The following SBSPON variants were observed in gnomAD, a reference collection of about 807,000 sequenced individuals.
SBSPON encodes somatomedin B and thrombospondin type 1 domain containing.
Under a neutral mutation model 35.8 loss-of-function variants are expected in SBSPON, and 30 were observed. That is an observed-to-expected ratio of 0.84 (90% confidence interval 0.63 to 1.14). The LOEUF (loss-of-function observed/expected upper bound fraction) is 1.14, where lower values mean the gene tolerates loss of function less well. Among genes scored for constraint, SBSPON ranks in the 50% most tolerant of loss-of-function variants. The pLI is 0.00. For missense variants in SBSPON, 364 were observed against 357.7 expected, an observed-to-expected ratio of 1.02 and a Z score of -0.14; for synonymous variants, 136 against 135.9, an observed-to-expected ratio of 1.00 and a Z score of 0.00.
In SBSPON at chr8:73,067,381, TG is replaced by T; in HGVS notation, c.754del (p.Gln252SerfsTer16). 2 of 1,610,008 alleles carry T rather than the reference TG, an allele frequency of 1.2e-6. No homozygotes were observed. Among genetic ancestry groups the T allele is most frequent in the Non-Finnish European group, 1.7e-6 (2 of 1,176,672 alleles). On this transcript the variant is annotated frameshift_variant, in exon 5 of 5. Coordinates refer to ENST00000297354, the MANE Select transcript of SBSPON (RefSeq NM_153225.4). LOFTEE classifies it high-confidence loss of function. Reference sequence around the variant, plus strand: ...ACTGTGAACAGCTGGACAAGAACACTGGTCTACTCGCCGAACTTTTTTCCAA... The same window carrying T: ...ACTGTGAACAGCTGGACAAGAACACTGTCTACTCGCCGAACTTTTTTCCAA... Reference protein sequence around the residue: ...GTWKKVRRVDQCSCPAVHSFI... With the variant: ...GTWKKVRRVDXCSCPAVHSFI...
At position 73,067,474 on chromosome 8, in the gene SBSPON, G is replaced by T. The variant is rs375157344; in HGVS notation, c.678-16C>A. ...AGTCTGATTTCTGAAACGATATTTCGAAAGTGTTAGTTACACTAAAAGCAT... is the reference window on the plus strand; with the variant it reads ...AGTCTGATTTCTGAAACGATATTTCTAAAGTGTTAGTTACACTAAAAGCAT... On this transcript the variant is annotated splice_polypyrimidine_tract_variant and intron_variant, in intron 4 of 4. Coordinates refer to ENST00000297354, the MANE Select transcript of SBSPON (RefSeq NM_153225.4). 8.2e-6 allele frequency: 12 copies of T among 1,454,776 alleles called. No homozygotes were observed. Among genetic ancestry groups the T allele is most frequent in the South Asian group, 2.3e-5 (2 of 87,792 alleles). The allele number at this position is 1,454,776 out of a possible 1,614,324, so 90.1% of individuals were successfully genotyped here.
At chr8:73,069,665 G>A in intron 4 of SBSPON, 140 bp downstream of exon 4, 1 of 687,884 alleles carries the variant, frequency 1.5e-6, no homozygotes, top group East Asian at 2.7e-5. Flanking sequence ...AGTGCCAGAG[G>A]ATGGTCCTCC....
chr8:73,078,343 C>A (rs1281826033), intron 2 of SBSPON, among the ~76,000 whole-genome samples: 1 of 152,130 alleles, frequency 6.6e-6, no homozygotes, highest in Non-Finnish European at 1.5e-5. Context: ...TGCTGGGGAC[C>A]AAAGTCAGGA....
intron 2 of SBSPON, among the ~76,000 whole-genome samples, chr8:73,076,576 G>A (rs1810598477): frequency 6.6e-6 from 1 of 151,962 alleles, no homozygotes; most frequent in South Asian, 2.1e-4. Context: ...GAACCTGGGA[G>A]GCAGAGGTTG....
chr8:73,068,284 T>C (rs1810430780), intron 4 of SBSPON, among the ~76,000 whole-genome samples: 2 of 152,220 alleles, frequency 1.3e-5, no homozygotes, highest in South Asian at 4.1e-4. Flanking sequence ...CTATTTGATA[T>C]AAATTCCTTA....
chr8:73,066,010 TTAATTA>T lies in SBSPON; in HGVS notation c.*1325_*1330del, dbSNP rs1290941217. ...AAAAATATTGCTACTCTCGGTGTTA[TTAATTA>T]TTGGGGAAATCTCCATCCTTATTGC... is the stretch of plus-strand genomic sequence containing the variant. On this transcript the variant is annotated 3_prime_UTR_variant, in exon 5 of 5. Coordinates refer to ENST00000297354, the MANE Select transcript of SBSPON (RefSeq NM_153225.4). The T allele has an allele frequency of 1.3e-5, 2 of 152,156 alleles. No homozygotes were observed. The highest frequency in any genetic ancestry group is 2.9e-5 in the Non-Finnish European group (2 of 68,034). 9.4% of individuals were successfully genotyped at this position (152,156 alleles called of 1,614,324 possible).
intron 1 of SBSPON, 98 bp downstream of exon 1, chr8:73,092,756 C>A: frequency 1.1e-6 from 1 of 912,500 alleles, no homozygotes; most frequent in East Asian, 2.8e-5. Context: ...CTGGAGGACA[C>A]CTGGCTCAGG....
intron 3 of SBSPON, 109 bp downstream of exon 3, chr8:73,071,671 A>G (rs946904665): frequency 1.8e-4 from 118 of 670,722 alleles, no homozygotes; most frequent in Non-Finnish European, 3.1e-5. Context: ...GCCAAAGTCA[A>G]AGAGCAAGTA....
At chr8:73,077,877 A>G (rs2130010456) in intron 2 of SBSPON, among the ~76,000 whole-genome samples, 1 of 152,354 alleles carries the variant, frequency 6.6e-6, no homozygotes, top group South Asian at 2.1e-4. Context: ...CTCTTATGGA[A>G]TGAAAATGCA....
chr8:73,083,058 G>A (rs1190236199), intron 1 of SBSPON, among the ~76,000 whole-genome samples: 6 of 152,180 alleles, frequency 3.9e-5, no homozygotes, highest in Non-Finnish European at 7.3e-5. Flanking sequence ...ACACTGGGGA[G>A]GGTTTTCTGA....
intron 1 of SBSPON, among the ~76,000 whole-genome samples, chr8:73,087,785 A>G (rs184391761): frequency 3.6e-4 from 55 of 152,326 alleles, no homozygotes; most frequent in Non-Finnish European, 1.5e-5. Flanking sequence ...ACTTGGGTTA[A>G]TTATTACCCT....
At chr8:73,092,783 A>G in intron 1 of SBSPON, 71 bp downstream of exon 1, 1 of 1,266,432 alleles carries the variant, frequency 7.9e-7, no homozygotes, top group Non-Finnish European at 1.1e-6. Flanking sequence ...GGTCCTTGGC[A>G]CAGCGCCCTG....
intron 2 of SBSPON, among the ~76,000 whole-genome samples, chr8:73,074,899 TG>T (rs1285073808): frequency 2.0e-5 from 3 of 152,204 alleles, no homozygotes; most frequent in Non-Finnish European, 4.4e-5. Flanking sequence ...ACAAAAACTT[TG>T]TAAAAGGGTG....
chr8:73,081,213 G>A lies in SBSPON; in HGVS notation c.215C>T (p.Ala72Val). The A allele has an allele frequency of 1.9e-6, 3 of 1,575,858 alleles. No individual in the cohort carries two copies. The highest frequency in any genetic ancestry group is 2.6e-6 in the Non-Finnish European group (3 of 1,159,218). Reference protein sequence around the residue: ...CCFDYDRACPARPCFVGEWSP... With the variant: ...CCFDYDRACPVRPCFVGEWSP... Reference sequence around the variant, plus strand: ...CCATTCCCCCACGAAGCACGGGCGAGCTGAAAAACAGCACAATAGGACGCT... The same window carrying A: ...CCATTCCCCCACGAAGCACGGGCGAACTGAAAAACAGCACAATAGGACGCT... The change falls in exon 2 of 5, where the codon GCT becomes GTT. Residue 72 changes from alanine to valine, a missense_variant and splice_region_variant. Coordinates refer to ENST00000297354, the MANE Select transcript of SBSPON (RefSeq NM_153225.4).
chr8:73,068,481 A>C (rs1171075044), intron 4 of SBSPON, among the ~76,000 whole-genome samples: 1 of 152,194 alleles, frequency 6.6e-6, no homozygotes, highest in Admixed American at 6.5e-5. Flanking sequence ...ACCATAATCT[A>C]TGTGTGACCT....
At chr8:73,089,662 C>T (rs543500871) in intron 1 of SBSPON, among the ~76,000 whole-genome samples, 20 of 151,926 alleles carry the variant, frequency 1.3e-4, no homozygotes, top group East Asian at 3.9e-4. Flanking sequence ...TTAATATTAA[C>T]GAATACAAAT....
chr8:73,084,286 T>A (rs1272866369), intron 1 of SBSPON, among the ~76,000 whole-genome samples: 1 of 152,206 alleles, frequency 6.6e-6, no homozygotes, highest in East Asian at 1.9e-4. Flanking sequence ...CAGTAATGAA[T>A]CACACACAAG....
rs755323982 is a variant in SBSPON, at chr8:73,086,753, GA to G, written c.215-5541del. ...ATTTTATATACTATGTAACCCAGGA[GA>G]AAAAAAGATATGAATAAAAAAGATA... On this transcript the variant is annotated intron_variant, in intron 1 of 4. Coordinates refer to ENST00000297354, the MANE Select transcript of SBSPON (RefSeq NM_153225.4). 3.9e-5 allele frequency among the ~76,000 whole-genome samples: 6 copies of G among 152,186 alleles called. No homozygotes were observed. In the East Asian group the frequency reaches 1.2e-3, roughly 29 times the overall value.
chr8:73,083,083 C>G (rs1810746227), intron 1 of SBSPON, among the ~76,000 whole-genome samples: 1 of 152,098 alleles, frequency 6.6e-6, no homozygotes, highest in Non-Finnish European at 1.5e-5. Context: ...ACTTAGCCTC[C>G]CAGGATTCCA....
Sources: allele counts gnomAD v4.1 joint callset (sites outside exome capture counted in the v4.1 genomes callset), GRCh38; gene constraint gnomAD v4.1.1; transcripts MANE v1.5; gene names NCBI Gene and HGNC (gene_info 2026-07-23, HGNC 2026-07-21).